Variants in COL24A1 observed in about 807,000 individuals in gnomAD.
The protein encoded by COL24A1 is collagen type XXIV alpha 1 chain.
In COL24A1, 224 loss-of-function variants were observed where a neutral mutation model predicts 253.9. That is an observed-to-expected ratio of 0.88 (90% CI 0.79 to 0.99). The LOEUF (loss-of-function observed/expected upper bound fraction) is 0.99. Ranked by LOEUF, COL24A1 falls within the 50% of genes least tolerant of loss-of-function variation. The probability of loss-of-function intolerance (pLI) is 0.00; values close to 1 mark genes in which losing one functional copy is unlikely to be tolerated. For synonymous variants in COL24A1, 685 were observed against 673.7 expected, an observed-to-expected ratio of 1.02 and a Z score of -0.26; for missense variants, 2,131 against 2,068.5, an observed-to-expected ratio of 1.03 and a Z score of -0.59.
intron 20 of COL24A1, among the ~76,000 whole-genome samples, chr1:85,979,470 C>A (rs1452630735): frequency 6.6e-6 from 1 of 151,746 alleles, no homozygotes; most frequent in Non-Finnish European, 1.5e-5. Flanking sequence ...GAGAGAAGAT[C>A]CAAATAAGTT....
chr1:85,927,599 C>T (rs1348352824), intron 24 of COL24A1, among the ~76,000 whole-genome samples: 3 of 112,424 alleles, frequency 2.7e-5, no homozygotes, highest in Non-Finnish European at 5.6e-5. Context: ...GGAGGCCTGC[C>T]TGCCTCTGTA....
At position 86,110,718 on chromosome 1, in the gene COL24A1, C is replaced by T. The variant is rs1050143093; in HGVS notation, c.1599+1849G>A. 3.3e-5 allele frequency among the ~76,000 whole-genome samples: 5 copies of T among 152,152 alleles called. 1 individual carries two copies. In the South Asian group the frequency reaches 6.2e-4, roughly 19 times the overall value. On this transcript the variant is annotated intron_variant, in intron 5 of 59. Transcript: ENST00000370571. ...GCTACAGAGGGTGCGCTGGGTCCCG[C>T]AGCACTGATGGCCCGCCCGTGCTGC...
intron 24 of COL24A1, among the ~76,000 whole-genome samples, chr1:85,924,127 T>C (rs1686892087): frequency 6.6e-6 from 1 of 152,206 alleles, no homozygotes; most frequent in Non-Finnish European, 1.5e-5. Flanking sequence ...CAGGAAGAAG[T>C]TGAATCTGTA....
intron 19 of COL24A1, among the ~76,000 whole-genome samples, chr1:85,995,283 G>A (rs954517900): frequency 1.3e-5 from 2 of 151,748 alleles, no homozygotes; most frequent in South Asian, 2.1e-4. Context: ...ATGTGGTCTC[G>A]TTTTGTTGCC....
intron 24 of COL24A1, among the ~76,000 whole-genome samples, chr1:85,920,935 A>C (rs1002774185): frequency 2.0e-5 from 3 of 152,132 alleles, no homozygotes; most frequent in East Asian, 1.9e-4. Flanking sequence ...GGTAGAAAAA[A>C]AAAAACAAAA....
intron 3 of COL24A1, among the ~76,000 whole-genome samples, chr1:86,123,455 TC>T (rs1647709371): frequency 6.6e-6 from 1 of 152,042 alleles, no homozygotes; most frequent in Non-Finnish European, 1.5e-5. Flanking sequence ...ACTTCCTTTA[TC>T]TTCATTATGA....
chr1:85,953,124 G>A (rs1233562329), intron 24 of COL24A1, among the ~76,000 whole-genome samples: 2 of 151,944 alleles, frequency 1.3e-5, no homozygotes, highest in East Asian at 1.9e-4. Flanking sequence ...AGAACCCTTT[G>A]CTATTTTTAC....
intron 7 of COL24A1, among the ~76,000 whole-genome samples, chr1:86,073,308 C>T (rs532134341): frequency 6.6e-6 from 1 of 152,176 alleles, no homozygotes; most frequent in South Asian, 2.1e-4. Flanking sequence ...AAAAACACAG[C>T]ACAAGAACTT....
intron 1 of COL24A1, among the ~76,000 whole-genome samples, chr1:86,153,236 G>A (rs1653014805): frequency 6.8e-6 from 1 of 146,692 alleles, no homozygotes; most frequent in Non-Finnish European, 1.5e-5. Context: ...AGACTGCTAG[G>A]TGCCCCTCAT....
chr1:85,770,132 T>C (rs1667794220), intron 53 of COL24A1, among the ~76,000 whole-genome samples: 1 of 152,208 alleles, frequency 6.6e-6, no homozygotes, highest in African/African-American at 2.4e-5. Flanking sequence ...TCTTGCTTCC[T>C]GTTACAATAA....
chr1:86,112,540 T>G, intron 5 of COL24A1, 27 bp downstream of exon 5: 1 of 1,602,776 alleles, frequency 6.2e-7, no homozygotes, highest in Non-Finnish European at 8.5e-7. Context: ...CTCATTAGCT[T>G]AAGTTGCCTG....
At chr1:85,816,699 A>G in intron 47 of COL24A1, 89 bp downstream of exon 47, 1 of 1,108,466 alleles carries the variant, frequency 9.0e-7, no homozygotes, top group East Asian at 2.4e-5. Flanking sequence ...CCAATGCCAA[A>G]GCTAAAATAG....
intron 37 of COL24A1, among the ~76,000 whole-genome samples, chr1:85,860,354 C>T (rs1678999794): frequency 6.6e-6 from 1 of 152,170 alleles, no homozygotes; most frequent in South Asian, 2.1e-4. Flanking sequence ...TAAGAAGTCA[C>T]TCCCCATTTC....
intron 12 of COL24A1, among the ~76,000 whole-genome samples, chr1:86,035,085 T>C (rs910229551): frequency 6.6e-6 from 1 of 152,126 alleles, no homozygotes; most frequent in Non-Finnish European, 1.5e-5. Flanking sequence ...AGTTTAACAA[T>C]GGAAAAAATG....
intron 25 of COL24A1, 26 bp from the exon 26 acceptor site, chr1:85,910,029 G>A (rs771971847): frequency 1.9e-6 from 3 of 1,587,456 alleles, no homozygotes; most frequent in East Asian, 2.2e-5. Context: ...AGAAAAAAGA[G>A]TAACATAGAG....
chr1:85,861,779 A>C (rs1212890943), intron 37 of COL24A1, among the ~76,000 whole-genome samples: 1 of 152,176 alleles, frequency 6.6e-6, no homozygotes, highest in Admixed American at 6.5e-5. Flanking sequence ...ATAAAACCCA[A>C]ATTTCTTATC....
intron 24 of COL24A1, among the ~76,000 whole-genome samples, chr1:85,934,184 AG>A (rs1240530490): frequency 6.6e-6 from 1 of 152,218 alleles, no homozygotes; most frequent in South Asian, 2.1e-4. Flanking sequence ...GAAAGGAAGA[AG>A]CTGCAGTGCC....
intron 14 of COL24A1, among the ~76,000 whole-genome samples, chr1:86,027,331 T>C (rs895610782): frequency 6.6e-6 from 1 of 152,020 alleles, no homozygotes; most frequent in Non-Finnish European, 1.5e-5. Context: ...GTGTCAGAGA[T>C]CTTCACAGCA....
intron 19 of COL24A1, among the ~76,000 whole-genome samples, chr1:85,995,017 C>G (rs1487139899): frequency 6.6e-6 from 1 of 152,060 alleles, no homozygotes; most frequent in African/African-American, 2.4e-5. Flanking sequence ...GAAAATATAG[C>G]ACAGCTCAAT....
Sources: gnomAD v4.1 joint callset for allele counts (sites outside exome capture counted in the v4.1 genomes callset) on GRCh38, gnomAD v4.1.1 for gene constraint, MANE v1.5 for transcripts, NCBI Gene and HGNC (gene_info 2026-07-23, HGNC 2026-07-21) for gene names.